BRD9: variants seen among roughly 807,000 people sequenced by gnomAD.
The protein encoded by BRD9 is bromodomain containing 9.
BRD9 carries 47 observed loss-of-function variants against 68.7 expected under a neutral mutation model. That is an observed-to-expected ratio of 0.68 (90% CI 0.54 to 0.87). The LOEUF (loss-of-function observed/expected upper bound fraction) is 0.87, where lower values mean the gene tolerates loss of function less well. Among genes scored for constraint, BRD9 ranks in the 40% least tolerant of loss-of-function variants. The probability of loss-of-function intolerance (pLI) is 0.00; values close to 1 mark genes in which losing one functional copy is unlikely to be tolerated. For synonymous variants in BRD9, 313 were observed against 293.9 expected (o/e 1.06, Z -0.67); for missense variants, 670 against 748.4 (o/e 0.90, Z 1.22).
chr5:872,863 G>A (rs1489604274), intron 12 of BRD9, among the ~76,000 whole-genome samples: 2 of 152,192 alleles, frequency 1.3e-5, no homozygotes, highest in Non-Finnish European at 2.9e-5. Context: ...CCTGTAGAAA[G>A]TAAAGACAAC....
rs1395160033 is a variant in BRD9, at chr5:866,992, A to G, written c.1526-1411T>C. Among the ~76,000 whole-genome samples, 5 of 152,350 alleles carry G rather than the reference A, an allele frequency of 3.3e-5. No homozygotes were observed. The East Asian group carries it at 9.6e-4, about 29-fold the overall frequency. On this transcript the variant is annotated intron_variant, in intron 14 of 15. Transcript: ENST00000467963. ...AATGTTAATACCTCAGGGACATTTCAAAGACCTTTGCCCAGACACTGCCAT... is the reference window on the plus strand; with the variant it reads ...AATGTTAATACCTCAGGGACATTTCGAAGACCTTTGCCCAGACACTGCCAT...
Position 865,781 on chromosome 5 carries a change from G to A in BRD9, c.1526-200C>T, listed in dbSNP as rs12522071. ...ACCCTTAGCAGTGAGTGAAGGGAAG[G>A]CAGACACCCAGCGTCCTTTGCTCAA... On this transcript the variant is annotated intron_variant, in intron 14 of 15. Transcript: ENST00000467963. 3.0e-3 allele frequency: 1,697 copies of A among 559,708 alleles called. 3 individuals carry two copies. Among genetic ancestry groups the A allele is most frequent in the Admixed American group, 5.8e-3 (168 of 29,098 alleles). The allele number at this position is 559,708 out of a possible 1,614,324, so 34.7% of individuals were successfully genotyped here.
Position 889,642 on chromosome 5 carries a change from T to G in BRD9, c.406A>C (p.Asn136His). The G allele has an allele frequency of 1.2e-6, 2 of 1,613,218 alleles. No homozygotes were observed. Among genetic ancestry groups the G allele is most frequent in the Non-Finnish European group, 1.7e-6 (2 of 1,179,498 alleles). ...AGTTGCTGAATAGGTGTGCTCTCAT[T>G]TTCGGCTGACAATTTAAGGAAAAAA... ...VRACRTQPAENESTPIQQLLE... is the reference protein window; with the variant it reads ...VRACRTQPAEHESTPIQQLLE... The change falls in exon 4 of 16, where the codon AAT becomes CAT. Residue 136 changes from asparagine to histidine, a missense_variant. Physicochemically the swap from Asn to His is moderately conservative, Grantham distance 68. Transcript: ENST00000467963.
chr5:865,059 A>T (rs546118582), intron 15 of BRD9, among the ~76,000 whole-genome samples: 1 of 152,050 alleles, frequency 6.6e-6, no homozygotes, highest in East Asian at 1.9e-4. Flanking sequence ...TGGGAACAAA[A>T]CCCCACCCAC....
At chr5:869,361 C>A (rs1377335370) in intron 14 of BRD9, 1 of 456,112 alleles carries the variant, frequency 2.2e-6, no homozygotes, top group Middle Eastern at 3.2e-4. Context: ...TCCGATCCGA[C>A]TTTAGTACAG....
At chr5:884,439 G>A (rs914443855) in intron 7 of BRD9, among the ~76,000 whole-genome samples, 6 of 152,234 alleles carry the variant, frequency 3.9e-5, no homozygotes, top group African/African-American at 1.4e-4. Flanking sequence ...GACTACGCAG[G>A]GTTCACAGCA....
rs1749267169 is a variant in BRD9 at position 865,576 on chromosome 5, C to A, written c.1531G>T (p.Val511Leu). 1 of 1,598,498 alleles carries A rather than the reference C, an allele frequency of 6.3e-7. No homozygotes were observed. Among genetic ancestry groups the A allele is most frequent in the Non-Finnish European group, 8.5e-7 (1 of 1,176,076 alleles). Residue 511 changes from valine to leucine, a missense_variant, in exon 15 of 16, where the codon GTG (valine) becomes TTG (leucine). Physicochemically the swap from Val to Leu is conservative, Grantham distance 32 (BLOSUM62 1). This residue lies in a region of BRD9 where 280 missense variants were observed against 281.5 expected (regional missense o/e 0.99). Coordinates refer to ENST00000467963, the MANE Select transcript of BRD9 (RefSeq NM_023924.5). ...TCGTCAGGGTCCAGCTCCTTCTTCA[C>A]CTTCCCTGTGTAAACAGGACATGAC... ...DISMLSSLGK[V>L]KKELDPDDSH...
At chr5:869,083 A>C in intron 14 of BRD9, 2 of 286,086 alleles carry the variant, frequency 7.0e-6, no homozygotes, top group Non-Finnish European at 1.4e-5. Context: ...GAGCTCTATG[A>C]ATTTCCTAGA....
chr5:870,408 CGTGT>C, intron 14 of BRD9, 61 bp downstream of exon 14: 2 of 1,214,642 alleles, frequency 1.6e-6, no homozygotes, highest in Non-Finnish European at 2.4e-6. Context: ...AGGTGGAGGC[CGTGT>C]GTTTTCTTCC....
At chr5:875,720 T>A (rs1032224638) in intron 12 of BRD9, among the ~76,000 whole-genome samples, 4 of 152,122 alleles carry the variant, frequency 2.6e-5, no homozygotes, top group African/African-American at 9.7e-5. Flanking sequence ...CATCTAAAAT[T>A]CCATACACAG....
chr5:883,850 T>C, intron 8 of BRD9, 88 bp downstream of exon 8: 1 of 1,528,418 alleles, frequency 6.5e-7, no homozygotes, highest in Non-Finnish European at 8.8e-7. Context: ...GTGGCTGTGC[T>C]AGATCACACA....
chr5:865,655 G>C (rs1329796738), intron 14 of BRD9, 74 bp from the exon 15 acceptor site: 10 of 1,466,424 alleles, frequency 6.8e-6, no homozygotes, highest in Admixed American at 2.0e-5. Context: ...GGAGCACACT[G>C]CCCATCCAGA....
At chr5:870,885 C>G (rs1448714592) in intron 13 of BRD9, among the ~76,000 whole-genome samples, 3 of 152,210 alleles carry the variant, frequency 2.0e-5, no homozygotes, top group African/African-American at 7.2e-5. Flanking sequence ...GGAAGACACA[C>G]AGAATTTTAG....
rs1560904768 is a variant in BRD9 at position 876,172 on chromosome 5, T to TC, written c.1311dup (p.Lys438GlufsTer17). 6.2e-7 allele frequency: 1 copy of TC among 1,613,950 alleles called. No individual in the cohort carries two copies. The highest frequency in any genetic ancestry group is 1.7e-5 in the Admixed American group (1 of 60,020). On this transcript the variant is annotated frameshift_variant, in exon 12 of 16. Coordinates refer to ENST00000467963, the MANE Select transcript of BRD9 (RefSeq NM_023924.5). LOFTEE classifies it high-confidence loss of function. ...TGGTCCAGGAGGTCGTCCACCACTTTCTTGCTGTAGCTCCCAGCATCCTTC... is the reference window on the plus strand; with the variant it reads ...TGGTCCAGGAGGTCGTCCACCACTTTCCTTGCTGTAGCTCCCAGCATCCTTC...
At chr5:865,662 C>A in intron 14 of BRD9, 81 bp from the exon 15 acceptor site, 1 of 1,400,482 alleles carries the variant, frequency 7.1e-7, no homozygotes, top group South Asian at 1.3e-5. Flanking sequence ...ACTGCCCATC[C>A]AGACAGGCCT....
intron 12 of BRD9, among the ~76,000 whole-genome samples, chr5:875,364 T>C (rs1339895403): frequency 6.6e-6 from 1 of 150,808 alleles, no homozygotes; most frequent in Non-Finnish European, 1.5e-5. Flanking sequence ...TTTTTTTTTT[T>C]GGAGATGGGG....
rs538047584 is a variant in BRD9 at position 881,197 on chromosome 5, T to C, written c.967-15A>G. ...AGATAGCCCATCTGGAAGGAAGCACTGCCTGAGCGTCTGTCCCTCAGGAGG... is the reference window on the plus strand; with the variant it reads ...AGATAGCCCATCTGGAAGGAAGCACCGCCTGAGCGTCTGTCCCTCAGGAGG... On this transcript the variant is annotated splice_polypyrimidine_tract_variant and intron_variant, in intron 8 of 15. Transcript: ENST00000467963. The C allele has an allele frequency of 6.2e-7, 1 of 1,613,204 alleles. No individual in the cohort carries two copies. The highest frequency in any genetic ancestry group is 1.3e-5 in the African/African-American group (1 of 75,068).
intron 4 of BRD9, 60 bp from the exon 5 acceptor site, chr5:889,225 T>C: frequency 3.3e-6 from 5 of 1,532,662 alleles, no homozygotes; most frequent in Non-Finnish European, 4.4e-6. Flanking sequence ...ACAAAATCTC[T>C]TACAATCCAA....
chr5:883,193 C>G, intron 8 of BRD9: 1 of 388,148 alleles, frequency 2.6e-6, no homozygotes, highest in Non-Finnish European at 5.1e-6. Context: ...TCTGAAATGC[C>G]CCCACTTCAG....
Sources: gnomAD v4.1 joint callset for allele counts (sites outside exome capture counted in the v4.1 genomes callset) on GRCh38, gnomAD v4.1.1 for gene constraint, gnomAD v4.1.1 regional missense constraint, MANE v1.5 for transcripts, NCBI Gene and HGNC (gene_info 2026-07-23, HGNC 2026-07-21) for gene names.